The following SGCD variants were observed in gnomAD, a reference collection of about 807,000 sequenced individuals.
SGCD encodes sarcoglycan delta.
A neutral mutation model predicts 36.6 loss-of-function variants in SGCD; 18 were observed. That is an observed-to-expected ratio of 0.49 (90% CI 0.34 to 0.73). The LOEUF (loss-of-function observed/expected upper bound fraction) is 0.73, where lower values mean the gene tolerates loss of function less well. Among genes scored for constraint, SGCD ranks in the 30% least tolerant of loss-of-function variants. The pLI, the probability that SGCD is intolerant of heterozygous loss-of-function variation, is 0.01. For synonymous variants in SGCD, 133 were observed against 130.6 expected, an observed-to-expected ratio of 1.02 and a Z score of -0.12; for missense variants, 387 against 346.7, an observed-to-expected ratio of 1.12 and a Z score of -0.92.
chr5:155,946,395 G>T lies in SGCD; in HGVS notation c.-282+75971G>T, dbSNP rs116161787. Among the ~76,000 whole-genome samples the T allele has an allele frequency of 7.3e-3, 1,117 of 152,180 alleles. 11 individuals carry two copies. Among genetic ancestry groups the T allele is most frequent in the African/African-American group, 0.026 (1,071 of 41,514 alleles). On this transcript the variant is annotated intron_variant, in intron 1 of 9. Coordinates refer to the SGCD transcript ENST00000517913. ...GAGACTGAATTTGAAACCAGATCTA[G>T]CTGATTTCCCAAGTCTTTTCTGTTT...
chr5:155,849,980 G>A, the SGCD span, among the ~76,000 whole-genome samples: 1 of 152,156 alleles, frequency 6.6e-6, no homozygotes, highest in African/African-American at 2.4e-5. Context: ...ACATTAGAAT[G>A]AATGACCATA....
chr5:156,515,615 C>A (rs890009069), intron 4 of SGCD, among the ~76,000 whole-genome samples: 7 of 152,208 alleles, frequency 4.6e-5, no homozygotes, highest in Admixed American at 1.3e-4. Context: ...GCCAAGGAAA[C>A]CAAGATTTAC....
rs564912723 is a variant in SGCD, at chr5:156,320,577, CT to C, written c.-43-8953del. ...TTGCTTTGTGCTCTTTAATTAATTTCTTTTAAAAAGGTATGTTTGCAATACA... is the reference window on the plus strand; with the variant it reads ...TTGCTTTGTGCTCTTTAATTAATTTCTTTAAAAAGGTATGTTTGCAATACA... On this transcript the variant is annotated intron_variant, in intron 3 of 9. Coordinates refer to the SGCD transcript ENST00000517913. Among the ~76,000 whole-genome samples the C allele has an allele frequency of 1.8e-3, 279 of 152,258 alleles. 2 individuals are homozygous for C. The highest frequency in any genetic ancestry group is 1.2e-3 in the Non-Finnish European group (79 of 68,020).
intron 6 of SGCD, among the ~76,000 whole-genome samples, chr5:156,628,667 A>G (rs1336042755): frequency 1.3e-5 from 2 of 152,226 alleles, no homozygotes; most frequent in African/African-American, 4.8e-5. Flanking sequence ...TTTGTTTTCT[A>G]CTTCTGCCAT....
chr5:156,582,847 A>G (rs1185093872), intron 4 of SGCD, among the ~76,000 whole-genome samples: 2 of 152,214 alleles, frequency 1.3e-5, no homozygotes, highest in East Asian at 1.9e-4. Context: ...ACACAAACAC[A>G]CACAGTAGGA....
At position 156,487,813 on chromosome 5, in the gene SGCD, A is replaced by AAAAAAAAAAAAAAAAAAAAGAAAAAG. The variant is rs1554107842; in HGVS notation, c.193-20785_193-20784insAAAAAAAAAAAAAAAAGAAAAAGAAA. On this transcript the variant is annotated intron_variant, in intron 3 of 8. Transcript: ENST00000337851. ...CAAAAAAAAAAAAAAAAAAAAAAAA[A>AAAAAAAAAAAAAAAAAAAAGAAAAAG]AAAGAAAGAAAGAAAAAGCTTAACA... Among the ~76,000 whole-genome samples the AAAAAAAAAAAAAAAAAAAAGAAAAAG allele has an allele frequency of 1.4e-3, 109 of 77,812 alleles. 20 individuals are homozygous for AAAAAAAAAAAAAAAAAAAAGAAAAAG. Among genetic ancestry groups the AAAAAAAAAAAAAAAAAAAAGAAAAAG allele is most frequent in the South Asian group, 3.3e-3 (6 of 1,844 alleles). 51.0% of individuals were successfully genotyped at this position (77,812 alleles called of 152,430 possible). A position where few individuals can be genotyped will look rare whatever the true frequency, so the allele number is the denominator to read the frequency against.
At chr5:156,648,354 C>T (rs913042393) in intron 7 of SGCD, among the ~76,000 whole-genome samples, 1 of 151,746 alleles carries the variant, frequency 6.6e-6, no homozygotes, top group African/African-American at 2.4e-5. Context: ...TGATAGACAC[C>T]AACCATAGGC....
chr5:156,039,272 A>G (rs1407163395), intron 1 of SGCD, among the ~76,000 whole-genome samples: 2 of 145,080 alleles, frequency 1.4e-5, no homozygotes, highest in Non-Finnish European at 2.9e-5. Flanking sequence ...ACAGCATACT[A>G]TTAATATATG....
Position 156,481,487 on chromosome 5 carries a change from T to G in SGCD, c.193-27114T>G, listed in dbSNP as rs188875567. 8.5e-5 allele frequency among the ~76,000 whole-genome samples: 13 copies of G among 152,336 alleles called. 1 individual carries two copies. Among genetic ancestry groups the G allele is most frequent in the Admixed American group, 8.5e-4 (13 of 15,296 alleles). On this transcript the variant is annotated intron_variant, in intron 3 of 8. Coordinates refer to ENST00000337851, the MANE Select transcript of SGCD (RefSeq NM_000337.6). ...GTGTCTTAGTTTTTGCTTTCCTTTA[T>G]TTTTTATTGAATACACTTTGTGGAT... is the stretch of plus-strand genomic sequence containing the variant.
At chr5:156,228,341 T>A (rs553893574) in intron 3 of SGCD, among the ~76,000 whole-genome samples, 10 of 152,342 alleles carry the variant, frequency 6.6e-5, no homozygotes, top group Non-Finnish European at 1.3e-4. Context: ...TGCATATATG[T>A]TTAGGAATGT....
intron 1 of SGCD, among the ~76,000 whole-genome samples, chr5:156,112,489 C>G (rs1214671766): frequency 6.6e-6 from 1 of 152,066 alleles, no homozygotes; most frequent in Non-Finnish European, 1.5e-5. Flanking sequence ...TGGGAAGGCT[C>G]AGGATTAGCA....
At chr5:156,636,634 C>G (rs1408677997) in intron 6 of SGCD, among the ~76,000 whole-genome samples, 2 of 152,024 alleles carry the variant, frequency 1.3e-5, no homozygotes, top group Non-Finnish European at 2.9e-5. Context: ...CTATGGGGAA[C>G]AAAAGGAAAG....
intron 1 of SGCD, among the ~76,000 whole-genome samples, chr5:156,031,233 T>C (rs1002844): frequency 0.19 from 28,181 of 152,124 alleles, 2,825 homozygotes; most frequent in Admixed American, 0.25. Context: ...GAATGTGCAT[T>C]TCTAACAAGT....
chr5:156,227,889 C>T (rs1416123776), intron 3 of SGCD, among the ~76,000 whole-genome samples: 2 of 152,032 alleles, frequency 1.3e-5, no homozygotes, highest in South Asian at 2.1e-4. Flanking sequence ...GTCTTGATTT[C>T]GTTTTTGATC....
At chr5:156,358,992 G>C (rs1769635270) in intron 3 of SGCD, among the ~76,000 whole-genome samples, 1 of 152,116 alleles carries the variant, frequency 6.6e-6, no homozygotes, top group Non-Finnish European at 1.5e-5. Context: ...TGTAACACTT[G>C]TGGGATTCAA....
intron 3 of SGCD, among the ~76,000 whole-genome samples, chr5:156,424,950 G>T (rs1053184975): frequency 3.3e-5 from 5 of 152,068 alleles, no homozygotes; most frequent in Admixed American, 3.3e-4. Flanking sequence ...TAGGCAGCCT[G>T]TGCCTGGGAT....
chr5:155,846,304 G>C, the SGCD span, among the ~76,000 whole-genome samples: 1 of 152,156 alleles, frequency 6.6e-6, no homozygotes, highest in African/African-American at 2.4e-5. Context: ...CATATAGCTG[G>C]AGTCATTCAA....
At chr5:156,458,920 G>C (rs1754367548) in intron 3 of SGCD, among the ~76,000 whole-genome samples, 1 of 151,962 alleles carries the variant, frequency 6.6e-6, no homozygotes, top group Non-Finnish European at 1.5e-5. Flanking sequence ...TTTTAACAGG[G>C]ATTTTTTTAG....
At chr5:156,168,941 G>A (rs1763276554) in intron 3 of SGCD, among the ~76,000 whole-genome samples, 2 of 152,176 alleles carry the variant, frequency 1.3e-5, no homozygotes, top group South Asian at 2.1e-4. Context: ...TGCATGTGAT[G>A]GGATGATGAG....
Sources: gnomAD v4.1 joint callset for allele counts (sites outside exome capture counted in the v4.1 genomes callset) on GRCh38, gnomAD v4.1.1 for gene constraint, MANE v1.5 for transcripts, NCBI Gene and HGNC (gene_info 2026-07-23, HGNC 2026-07-21) for gene names.